PRKG1: variants seen among roughly 807,000 people sequenced by gnomAD.
PRKG1 encodes protein kinase cGMP-dependent 1, also known as cGMP-dependent protein kinase 1.
In PRKG1, 35 loss-of-function variants were observed where a neutral mutation model predicts 88.1. That is an observed-to-expected ratio of 0.40 (90% confidence interval 0.30 to 0.53). The LOEUF (loss-of-function observed/expected upper bound fraction) is 0.53. PRKG1 is among the 20% of genes least tolerant of loss of function. The pLI, the probability that PRKG1 is intolerant of heterozygous loss-of-function variation, is 0.59. For synonymous variants in PRKG1, 303 were observed against 292.5 expected, an observed-to-expected ratio of 1.04 and a Z score of -0.37; for missense variants, 540 against 839.8, an observed-to-expected ratio of 0.64 and a Z score of 4.41.
At chr10:51,277,275 T>A (rs1840148656) in intron 2 of PRKG1, among the ~76,000 whole-genome samples, 1 of 152,206 alleles carries the variant, frequency 6.6e-6, no homozygotes, top group Non-Finnish European at 1.5e-5. Context: ...TGGTTGTAGA[T>A]GTGTGGTATT....
At chr10:51,258,780 A>G (rs557020687) in intron 2 of PRKG1, among the ~76,000 whole-genome samples, 1 of 152,344 alleles carries the variant, frequency 6.6e-6, no homozygotes, top group East Asian at 1.9e-4. Flanking sequence ...GATTCTTATT[A>G]CAAATCTACC....
At chr10:51,436,948 A>G (rs1162113315) in intron 2 of PRKG1, among the ~76,000 whole-genome samples, 1 of 152,042 alleles carries the variant, frequency 6.6e-6, no homozygotes, top group Non-Finnish European at 1.5e-5. Flanking sequence ...GTTATGCGAC[A>G]TGGAATTGGT....
intron 4 of PRKG1, among the ~76,000 whole-genome samples, chr10:51,847,439 AC>A (rs940556303): frequency 3.7e-4 from 57 of 152,236 alleles, no homozygotes; most frequent in Non-Finnish European, 2.8e-4. Flanking sequence ...TAGAAAATGA[AC>A]CTTTTTTTAT....
At chr10:51,706,725 G>T (rs1841613718) in intron 3 of PRKG1, among the ~76,000 whole-genome samples, 1 of 152,248 alleles carries the variant, frequency 6.6e-6, no homozygotes, top group South Asian at 2.1e-4. Context: ...GAATGACTTA[G>T]ATTGGCTACC....
chr10:51,822,574 C>T lies in PRKG1; in HGVS notation c.698+17884C>T, dbSNP rs575932677. On this transcript the variant is annotated intron_variant, in intron 4 of 17. Coordinates refer to ENST00000373980, the MANE Select transcript of PRKG1 (RefSeq NM_006258.4). ...ACCCCTCTACTTTAAGGCATACACA[C>T]GTACCATGGGTCATAATGAAATCAG... Among the ~76,000 whole-genome samples, 8 of 152,252 alleles carry T rather than the reference C, an allele frequency of 5.3e-5. No individual in the cohort carries two copies. In the East Asian group the frequency reaches 5.8e-4, roughly 11 times the overall value.
chr10:51,281,528 G>T (rs1465192958), intron 2 of PRKG1, among the ~76,000 whole-genome samples: 1 of 152,174 alleles, frequency 6.6e-6, no homozygotes, highest in Non-Finnish European at 1.5e-5. Flanking sequence ...CATTGCTCAG[G>T]CTTGAGTAGG....
chr10:51,698,790 T>G (rs1031964716), intron 3 of PRKG1: 1 of 1,614,028 alleles, frequency 6.2e-7, no homozygotes, highest in African/African-American at 1.3e-5. Flanking sequence ...GGAGTCTGCA[T>G]CAGAGGAGGA....
intron 2 of PRKG1, among the ~76,000 whole-genome samples, chr10:51,287,148 A>G (rs1840462758): frequency 6.6e-6 from 1 of 152,176 alleles, no homozygotes; most frequent in Non-Finnish European, 1.5e-5. Context: ...AAGTGCTGGT[A>G]TTACACGTAT....
rs112644276 is a variant in PRKG1, at chr10:51,304,162, G to C, written c.478+150832G>C. Among the ~76,000 whole-genome samples, 410 of 152,120 alleles carry C rather than the reference G, an allele frequency of 2.7e-3. 1 individual carries two copies. The highest frequency in any genetic ancestry group is 9.5e-3 in the African/African-American group (395 of 41,496). Reference sequence around the variant, plus strand: ...TGTAAATGATCATTGGGTTTCAGTGGTCCAAATCAGAATTTTCTTTGGAAG... The same window carrying C: ...TGTAAATGATCATTGGGTTTCAGTGCTCCAAATCAGAATTTTCTTTGGAAG... On this transcript the variant is annotated intron_variant, in intron 2 of 17. Transcript: ENST00000373980.
chr10:51,082,414 G>A (rs1312300870), intron 1 of PRKG1, among the ~76,000 whole-genome samples: 1 of 152,144 alleles, frequency 6.6e-6, no homozygotes, highest in East Asian at 1.9e-4. Flanking sequence ...CTGCGCATTA[G>A]AATCACATGG....
chr10:51,666,251 G>A (rs1279204325), intron 3 of PRKG1, among the ~76,000 whole-genome samples: 1 of 152,166 alleles, frequency 6.6e-6, no homozygotes, highest in Non-Finnish European at 1.5e-5. Flanking sequence ...AAATGTAGAT[G>A]TCAATAGAAA....
chr10:51,182,822 C>G (rs1253423626), intron 2 of PRKG1, among the ~76,000 whole-genome samples: 1 of 152,194 alleles, frequency 6.6e-6, no homozygotes, highest in Non-Finnish European at 1.5e-5. Context: ...ATTCCAACAG[C>G]CTTCAAGAAT....
chr10:51,491,838 GT>G (rs1261634593), intron 3 of PRKG1, among the ~76,000 whole-genome samples: 1 of 152,042 alleles, frequency 6.6e-6, no homozygotes. Context: ...TTATTGTGAG[GT>G]TTTGCAATTT....
At chr10:52,027,828 G>A (rs1205561033) in intron 5 of PRKG1, among the ~76,000 whole-genome samples, 1 of 152,016 alleles carries the variant, frequency 6.6e-6, no homozygotes, top group East Asian at 1.9e-4. Flanking sequence ...TCGCTTTGTT[G>A]CCCAGGCTGG....
intron 3 of PRKG1, among the ~76,000 whole-genome samples, chr10:51,786,812 T>C (rs1218490706): frequency 6.6e-6 from 1 of 152,184 alleles, no homozygotes. Context: ...TATCAACACT[T>C]ACTAATGTTT....
chr10:52,105,871 T>C (rs1316724096), intron 7 of PRKG1, among the ~76,000 whole-genome samples: 1 of 152,126 alleles, frequency 6.6e-6, no homozygotes, highest in African/African-American at 2.4e-5. Flanking sequence ...TTTGGTTACA[T>C]GGATACGTTC....
At chr10:52,107,092 G>A (rs1484258172) in intron 7 of PRKG1, among the ~76,000 whole-genome samples, 1 of 152,174 alleles carries the variant, frequency 6.6e-6, no homozygotes, top group African/African-American at 2.4e-5. Context: ...CTGGCTATGA[G>A]TGAGTTCTCA....
At chr10:51,037,751 C>T (rs1843369326) in intron 1 of PRKG1, among the ~76,000 whole-genome samples, 1 of 151,762 alleles carries the variant, frequency 6.6e-6, no homozygotes, top group Admixed American at 6.6e-5. Context: ...CCACTGCATT[C>T]CAGCCTGGGT....
At chr10:52,015,025 TGTTAGTA>T (rs1845001426) in intron 5 of PRKG1, among the ~76,000 whole-genome samples, 1 of 152,206 alleles carries the variant, frequency 6.6e-6, no homozygotes, top group African/African-American at 2.4e-5. Flanking sequence ...TAGTGCAAGC[TGTTAGTA>T]AATCTACCAT....
Sources: gnomAD v4.1 joint callset for allele counts (sites outside exome capture counted in the v4.1 genomes callset) on GRCh38, gnomAD v4.1.1 for gene constraint, MANE v1.5 for transcripts, NCBI Gene and HGNC (gene_info 2026-07-23, HGNC 2026-07-21) for gene names.